C8orf74: variants seen among roughly 807,000 people sequenced by gnomAD.
C8orf74 encodes chromosome 8 open reading frame 74, also known as uncharacterized protein C8orf74.
C8orf74 carries 29 observed loss-of-function variants against 22.2 expected under a neutral mutation model. The ratio of observed to expected loss-of-function variants is 1.31; its 90% CI spans 0.97 to 1.78. C8orf74 has a LOEUF of 1.78. C8orf74 is among the 40% of genes most tolerant of loss of function. The probability of loss-of-function intolerance (pLI) is 0.00; values close to 1 mark genes in which losing one functional copy is unlikely to be tolerated. For synonymous variants in C8orf74, 255 were observed against 163.1 expected, an observed-to-expected ratio of 1.56 and a Z score of -4.30; for missense variants, 515 against 369.9, an observed-to-expected ratio of 1.39 and a Z score of -3.22.
In C8orf74 at chr8:10,700,194, G is replaced by A. The variant is rs140949609; in HGVS notation, c.649-41G>A. 456 of 1,353,814 alleles carry A rather than the reference G, an allele frequency of 3.4e-4. 3 individuals carry two copies. In the Middle Eastern group the frequency reaches 4.4e-3, roughly 13 times the overall value. 83.9% of individuals were successfully genotyped at this position (1,353,814 alleles called of 1,614,324 possible). ...TGAGTTGAGAACTGGATCCGGCGAG[G>A]CTCCCCAGCCCTGCTCATCGGCCTT... On this transcript the variant is annotated intron_variant, in intron 3 of 3. Coordinates refer to ENST00000304519, the MANE Select transcript of C8orf74 (RefSeq NM_001040032.2).
At chr8:10,673,845 C>G (rs1475293201) in intron 1 of C8orf74, 1 of 152,094 alleles carries the variant, frequency 6.6e-6, no homozygotes, top group Non-Finnish European at 1.5e-5. Flanking sequence ...CTTCTCAACT[C>G]CTCAACCCCA....
intron 2 of C8orf74, among the ~76,000 whole-genome samples, chr8:10,690,100 C>T (rs977004394): frequency 1.3e-5 from 2 of 152,178 alleles, no homozygotes; most frequent in Non-Finnish European, 2.9e-5. Flanking sequence ...CAGTGTCCAC[C>T]TCCAAGAATC....
Position 10,700,367 on chromosome 8 carries a change from G to GCCCCCCCCCCCAAACCCCCCCCCCCCCC in C8orf74, c.786_787insCCCCCCAAACCCCCCCCCCCCCCCCCCC (p.Thr263ProfsTer66). 6.3e-7 allele frequency: 1 copy of GCCCCCCCCCCCAAACCCCCCCCCCCCCC among 1,590,942 alleles called. No individual in the cohort carries two copies. The highest frequency in any genetic ancestry group is 8.6e-7 in the Non-Finnish European group (1 of 1,159,770). On this transcript the variant is annotated frameshift_variant, in exon 4 of 4. Coordinates refer to ENST00000304519, the MANE Select transcript of C8orf74 (RefSeq NM_001040032.2). LOFTEE classifies it low-confidence loss of function (END_TRUNC). The stretch of plus-strand genomic sequence containing the variant: ...TCAGAAGAAGACTCTGAACCTCAAC[G>GCCCCCCCCCCCAAACCCCCCCCCCCCCC]CCCCCACCCCTATCCCGCCCCCCAT...
At position 10,688,678 on chromosome 8, in the gene C8orf74, T is replaced by A. The variant is rs559844260; in HGVS notation, c.242-8921T>A. On this transcript the variant is annotated intron_variant, in intron 2 of 3. Coordinates refer to ENST00000304519, the MANE Select transcript of C8orf74 (RefSeq NM_001040032.2). The stretch of plus-strand genomic sequence containing the variant: ...GATGCATCTCCAGCCAGCGTGGTCC[T>A]CCTTTGGCCAGTCCGGGCCCATCCT... 5.6e-4 allele frequency: 86 copies of A among 152,430 alleles called. 2 individuals are homozygous for A. The South Asian group carries it at 0.016, about 29-fold the overall frequency. 9.4% of individuals were successfully genotyped at this position (152,430 alleles called of 1,614,324 possible). A position where few individuals can be genotyped will look rare whatever the true frequency, so the allele number is the denominator to read the frequency against.
chr8:10,681,322 T>G (rs373565816), intron 2 of C8orf74, among the ~76,000 whole-genome samples: 75 of 152,232 alleles, frequency 4.9e-4, no homozygotes, highest in Non-Finnish European at 9.7e-4. Flanking sequence ...GCAGATCACA[T>G]CCAGCCATCT....
rs116144640 is a variant in C8orf74 at position 10,694,369 on chromosome 8, A to G, written c.242-3230A>G. ...AAGTATCTGAGACAGGTCTCAATCAATTTAGAAGGTTATTTTGCCAAGGTT... is the reference window on the plus strand; with the variant it reads ...AAGTATCTGAGACAGGTCTCAATCAGTTTAGAAGGTTATTTTGCCAAGGTT... On this transcript the variant is annotated intron_variant, in intron 2 of 3. Coordinates refer to ENST00000304519, the MANE Select transcript of C8orf74 (RefSeq NM_001040032.2). Among the ~76,000 whole-genome samples, 627 of 152,246 alleles carry G rather than the reference A, an allele frequency of 4.1e-3. 6 individuals carry two copies. The highest frequency in any genetic ancestry group is 0.014 in the African/African-American group (585 of 41,526).
At chr8:10,686,428 T>G (rs937597828) in intron 2 of C8orf74, 1 of 152,246 alleles carries the variant, frequency 6.6e-6, no homozygotes, top group East Asian at 1.9e-4. Flanking sequence ...AACACACTAA[T>G]GTAGTCATAG....
At chr8:10,677,202 C>T (rs886779968) in intron 2 of C8orf74, among the ~76,000 whole-genome samples, 1 of 152,116 alleles carries the variant, frequency 6.6e-6, no homozygotes, top group African/African-American at 2.4e-5. Flanking sequence ...CTTACATGAC[C>T]ACACTCATCA....
chr8:10,683,908 C>T (rs1012444665), intron 2 of C8orf74, among the ~76,000 whole-genome samples: 5 of 152,180 alleles, frequency 3.3e-5, no homozygotes, highest in Non-Finnish European at 5.9e-5. Context: ...TGAAAGCTGC[C>T]TCTTTGAGCC....
intron 2 of C8orf74, among the ~76,000 whole-genome samples, chr8:10,685,788 G>A (rs541874446): frequency 2.0e-4 from 31 of 152,304 alleles, no homozygotes; most frequent in Middle Eastern, 3.4e-3. Context: ...AGTTATAATC[G>A]GCCGGGTAAA....
chr8:10,695,472 T>A (rs1453205061), intron 2 of C8orf74, among the ~76,000 whole-genome samples: 1 of 152,156 alleles, frequency 6.6e-6, no homozygotes, highest in Non-Finnish European at 1.5e-5. Context: ...ATTGCCAGAA[T>A]CCAGGCGTCA....
In C8orf74 at chr8:10,699,845, G is replaced by A. The variant is rs6996372; in HGVS notation, c.649-390G>A. 3.5e-3 allele frequency among the ~76,000 whole-genome samples: 533 copies of A among 152,340 alleles called. 1 individual carries two copies. The highest frequency in any genetic ancestry group is 0.011 in the African/African-American group (476 of 41,574). On this transcript the variant is annotated intron_variant, in intron 3 of 3. Coordinates refer to ENST00000304519, the MANE Select transcript of C8orf74 (RefSeq NM_001040032.2). ...GTCTATAGGAAATATGGCACTGGCC[G>A]ATGGGCCCAGAACAAATGACACACT... is the stretch of plus-strand genomic sequence containing the variant.
intron 2 of C8orf74, among the ~76,000 whole-genome samples, chr8:10,694,703 A>C (rs150350951): frequency 1.3e-5 from 2 of 152,278 alleles, no homozygotes; most frequent in Non-Finnish European, 1.5e-5. Context: ...TTTCAGCTTA[A>C]TTTTTTTCTT....
intron 2 of C8orf74, among the ~76,000 whole-genome samples, chr8:10,695,389 G>C (rs1411486397): frequency 6.6e-6 from 1 of 152,142 alleles, no homozygotes; most frequent in Non-Finnish European, 1.5e-5. Flanking sequence ...ATGACAGAAA[G>C]GAGAAGTACA....
rs773702750 is a variant in C8orf74, at chr8:10,672,686, G to A, written c.21G>A (p.Gln7=). 3 of 1,565,810 alleles carry A rather than the reference G, an allele frequency of 1.9e-6. No homozygotes were observed. The highest frequency in any genetic ancestry group is 2.6e-6 in the Non-Finnish European group (3 of 1,154,864). Reference sequence around the variant, plus strand: ...GGGCCATGGCACTCTTAACACCCCAGGGAGTGAAAGAAGTCTTCCAACTTC... The same window carrying A: ...GGGCCATGGCACTCTTAACACCCCAAGGAGTGAAAGAAGTCTTCCAACTTC... The part of the protein sequence containing the change: MALLTP[Q]GVKEVFQLQR... The change falls in exon 1 of 4, where the codon CAG becomes CAA. Residue 7 remains glutamine (Q), a synonymous_variant. Transcript: ENST00000304519.
chr8:10,682,719 G>A (rs901424268), intron 2 of C8orf74, among the ~76,000 whole-genome samples: 1 of 152,202 alleles, frequency 6.6e-6, no homozygotes. Context: ...GAGCAGTACA[G>A]CCTGTAACAC....
At chr8:10,692,421 G>T (rs1799400260) in intron 2 of C8orf74, 1 of 152,302 alleles carries the variant, frequency 6.6e-6, no homozygotes, top group African/African-American at 2.4e-5. Flanking sequence ...TGGCCTTTGG[G>T]GCCTGCTCTG....
chr8:10,677,164 G>A (rs906347350), intron 2 of C8orf74, among the ~76,000 whole-genome samples: 22 of 151,968 alleles, frequency 1.4e-4, no homozygotes, highest in African/African-American at 4.6e-4. Context: ...AAGGAACAGG[G>A]AACCCCTCCT....
Position 10,696,441 on chromosome 8 carries a change from CTT to C in C8orf74, c.242-1137_242-1136del, listed in dbSNP as rs546082377. 5.5e-3 allele frequency among the ~76,000 whole-genome samples: 563 copies of C among 102,288 alleles called. 1 individual carries two copies. Among genetic ancestry groups the C allele is most frequent in the African/African-American group, 0.023 (530 of 23,284 alleles). 67.1% of individuals were successfully genotyped at this position (102,288 alleles called of 152,430 possible). ...TTTTTCTTTTCTTTTCTTTTCTTTT[CTT>C]TTTTTTTTTTTTTTTTTTTTGAGAT... On this transcript the variant is annotated intron_variant, in intron 2 of 3. Coordinates refer to ENST00000304519, the MANE Select transcript of C8orf74 (RefSeq NM_001040032.2).
Sources: allele counts gnomAD v4.1 joint callset (sites outside exome capture counted in the v4.1 genomes callset), GRCh38; gene constraint gnomAD v4.1.1; transcripts MANE v1.5; gene names NCBI Gene and HGNC (gene_info 2026-07-23, HGNC 2026-07-21).